The following FMN1 variants were observed in gnomAD, a reference collection of about 807,000 sequenced individuals.
The protein encoded by FMN1 is formin 1.
Under a neutral mutation model 132.4 loss-of-function variants are expected in FMN1, and 110 were observed. The ratio of observed to expected loss-of-function variants is 0.83; its 90% CI spans 0.71 to 0.97. The LOEUF (loss-of-function observed/expected upper bound fraction) is 0.97, where lower values mean the gene tolerates loss of function less well. Ranked by LOEUF, FMN1 falls within the 50% of genes least tolerant of loss-of-function variation. The pLI is 0.00. For missense variants in FMN1, 1,792 were observed against 1,705.3 expected (o/e 1.05, Z -0.90); for synonymous variants, 722 against 651.7 (o/e 1.11, Z -1.64).
intron 16 of FMN1, among the ~76,000 whole-genome samples, chr15:32,865,013 C>A (rs1406713680): frequency 6.6e-6 from 1 of 152,178 alleles, no homozygotes; most frequent in Admixed American, 6.5e-5. Flanking sequence ...CAAGAGACCA[C>A]ATATCCTATG....
intron 6 of FMN1, among the ~76,000 whole-genome samples, chr15:33,010,161 T>G (rs1021784344): frequency 1.3e-5 from 2 of 152,124 alleles, no homozygotes; most frequent in African/African-American, 4.8e-5. Context: ...CTGGCCAACA[T>G]GAAGAATCTT....
At chr15:32,837,337 T>A (rs193004859) in intron 17 of FMN1, 12 of 167,562 alleles carry the variant, frequency 7.2e-5, no homozygotes, top group Admixed American at 6.7e-4. Flanking sequence ...GGTGCAGGGA[T>A]CTGGGTGGTG....
chr15:32,834,261 T>A (rs2058572331), intron 17 of FMN1, among the ~76,000 whole-genome samples: 1 of 152,198 alleles, frequency 6.6e-6, no homozygotes, highest in South Asian at 2.1e-4. Flanking sequence ...GGATCCTACA[T>A]CCCTTGACCA....
intron 7 of FMN1, among the ~76,000 whole-genome samples, chr15:32,988,660 G>A (rs1195611540): frequency 6.6e-6 from 1 of 152,206 alleles, no homozygotes; most frequent in Non-Finnish European, 1.5e-5. Flanking sequence ...GCGTGGTCTT[G>A]AGCCCTCTTG....
At chr15:32,950,286 C>T (rs970925697) in intron 9 of FMN1, among the ~76,000 whole-genome samples, 94 of 151,500 alleles carry the variant, frequency 6.2e-4, no homozygotes, top group African/African-American at 2.1e-3. Flanking sequence ...GGCAATTCCT[C>T]AAAGACCTAC....
intron 19 of FMN1, among the ~76,000 whole-genome samples, chr15:32,784,597 G>T (rs1277418420): frequency 1.3e-5 from 2 of 152,044 alleles, no homozygotes; most frequent in Admixed American, 1.3e-4. Flanking sequence ...TCAGATTTTG[G>T]GCTCCAGTAA....
At chr15:32,984,332 A>T (rs116712367) in intron 7 of FMN1, among the ~76,000 whole-genome samples, 3,334 of 152,256 alleles carry the variant, frequency 0.022, 118 homozygotes, top group African/African-American at 0.073. Flanking sequence ...ACCACCTATC[A>T]AACAGATAGT....
intron 10 of FMN1, among the ~76,000 whole-genome samples, chr15:32,922,664 A>G (rs1253364957): frequency 1.3e-5 from 2 of 152,230 alleles, no homozygotes; most frequent in Non-Finnish European, 2.9e-5. Context: ...GAAACACACA[A>G]AACTGTTATC....
chr15:32,804,151 A>G (rs1447121129), intron 18 of FMN1, 130 bp downstream of exon 18: 7 of 678,632 alleles, frequency 1.0e-5, no homozygotes, highest in East Asian at 5.6e-5. Context: ...TAAAGGGTAT[A>G]AAGTTTCAGT....
intron 17 of FMN1, among the ~76,000 whole-genome samples, chr15:32,821,222 T>G: frequency 6.6e-6 from 1 of 151,974 alleles, no homozygotes. Context: ...TCTTTTTCCT[T>G]TCAGCTGCCT....
At chr15:32,819,596 G>A (rs2058154055) in intron 17 of FMN1, among the ~76,000 whole-genome samples, 2 of 152,104 alleles carry the variant, frequency 1.3e-5, no homozygotes, top group South Asian at 4.2e-4. Context: ...TTTTATATGG[G>A]ACACATCTGT....
At chr15:32,788,455 C>A (rs927876461) in intron 19 of FMN1, among the ~76,000 whole-genome samples, 2 of 152,164 alleles carry the variant, frequency 1.3e-5, no homozygotes, top group Non-Finnish European at 2.9e-5. Flanking sequence ...GGTTTTGAAA[C>A]CTCTACCACC....
chr15:33,114,826 G>A (rs2039851004), intron 4 of FMN1, among the ~76,000 whole-genome samples: 1 of 152,124 alleles, frequency 6.6e-6, no homozygotes, highest in South Asian at 2.1e-4. Context: ...TAAAATTTAA[G>A]ATCTTTGACT....
rs1310284677 is a variant in FMN1 at position 32,785,170 on chromosome 15, G to A, written c.4131-8251C>T. On this transcript the variant is annotated intron_variant, in intron 19 of 20. Transcript: ENST00000616417. ...TGTGTGTGTATACGTACGTGTGTGT[G>A]TGTGTGTGTGTGTGTGTGTGTGTGT... is the stretch of plus-strand genomic sequence containing the variant. Among the ~76,000 whole-genome samples the A allele has an allele frequency of 2.5e-4, 3 of 11,922 alleles. 1 individual carries two copies. The highest frequency in any genetic ancestry group is 6.6e-4 in the Non-Finnish European group (3 of 4,552). The allele number at this position is 11,922 out of a possible 152,430, so 7.8% of individuals were successfully genotyped here. A position where few individuals can be genotyped will look rare whatever the true frequency, so the allele number is the denominator to read the frequency against.
intron 9 of FMN1, among the ~76,000 whole-genome samples, chr15:32,958,578 A>ATACATACC (rs986091457): frequency 1.3e-5 from 2 of 152,114 alleles, no homozygotes; most frequent in African/African-American, 4.8e-5. Flanking sequence ...ACATACATAC[A>ATACATACC]TACATACATA....
chr15:33,170,386 A>T (rs567405837), intron 3 of FMN1, among the ~76,000 whole-genome samples: 8 of 152,104 alleles, frequency 5.3e-5, no homozygotes, highest in African/African-American at 7.2e-5. Context: ...TCAAAAGCAC[A>T]GGCAACAAAA....
chr15:33,193,031 T>C (rs1417235843), intron 2 of FMN1, among the ~76,000 whole-genome samples: 2 of 152,240 alleles, frequency 1.3e-5, no homozygotes, highest in Non-Finnish European at 2.9e-5. Context: ...TACAATATAC[T>C]GTCTCACTAC....
intron 4 of FMN1, among the ~76,000 whole-genome samples, chr15:33,132,288 A>T (rs1963581673): frequency 6.6e-6 from 1 of 152,160 alleles, no homozygotes; most frequent in Non-Finnish European, 1.5e-5. Flanking sequence ...ACTACTCAAC[A>T]GCTTCAGCTT....
At chr15:32,987,244 C>T (rs1319005958) in intron 7 of FMN1, among the ~76,000 whole-genome samples, 1 of 152,168 alleles carries the variant, frequency 6.6e-6, no homozygotes, top group Non-Finnish European at 1.5e-5. Flanking sequence ...CATGAAACCA[C>T]ATGACCGCTG....
Sources: gnomAD v4.1 joint callset for allele counts (sites outside exome capture counted in the v4.1 genomes callset) on GRCh38, gnomAD v4.1.1 for gene constraint, MANE v1.5 for transcripts, NCBI Gene and HGNC (gene_info 2026-07-23, HGNC 2026-07-21) for gene names.